Variants in LYRM4 observed in about 807,000 individuals in gnomAD.
LYRM4 encodes the protein LYR motif containing 4, also known as LYR motif-containing protein 4.
LYRM4 carries 9 observed loss-of-function variants against 11.7 expected under a neutral mutation model. The observed-to-expected ratio is 0.77, with a 90% CI of 0.46 to 1.34. LYRM4 has a LOEUF of 1.34. Ranked by LOEUF, LYRM4 falls within the 40% of genes most tolerant of loss-of-function variation. The probability of loss-of-function intolerance (pLI) is 0.00; values close to 1 mark genes in which losing one functional copy is unlikely to be tolerated. For missense variants in LYRM4, 133 were observed against 112.5 expected, an observed-to-expected ratio of 1.18 and a Z score of -0.82; for synonymous variants, 42 against 40.4, an observed-to-expected ratio of 1.04 and a Z score of -0.15.
At chr6:5,099,896 G>T (rs1762448187), downstream of LYRM4, among the ~76,000 whole-genome samples, 1 of 152,194 alleles carries the variant, frequency 6.6e-6, no homozygotes, top group Admixed American at 6.5e-5. The surrounding 1 kb of genome is among the most constrained non-coding windows in gnomAD (Gnocchi z 4.3). Context: ...TACACACACA[G>T]AGAAGACAGC....
chr6:5,189,480 C>T (rs561544000), intron 2 of LYRM4, among the ~76,000 whole-genome samples: 89 of 152,298 alleles, frequency 5.8e-4, no homozygotes, highest in Non-Finnish European at 1.1e-3. Flanking sequence ...AGATCTGTGA[C>T]TTCAAGAGTT....
At chr6:5,090,997 T>A in the LYRM4 span, among the ~76,000 whole-genome samples, 260 of 152,294 alleles carry the variant, frequency 1.7e-3, no homozygotes, top group African/African-American at 5.8e-3. The surrounding 1 kb of genome is among the most constrained non-coding windows in gnomAD (Gnocchi z 4.8). Flanking sequence ...TCTTTTTTTT[T>A]ATTAATGGCA....
intron 1 of LYRM4, among the ~76,000 whole-genome samples, chr6:5,232,005 A>G (rs1324521024): frequency 6.6e-6 from 1 of 152,210 alleles, no homozygotes; most frequent in Non-Finnish European, 1.5e-5. Context: ...AAACATTTGC[A>G]TTTACAAATG....
chr6:5,238,300 C>T (rs1377500611), intron 1 of LYRM4, among the ~76,000 whole-genome samples: 1 of 151,972 alleles, frequency 6.6e-6, no homozygotes, highest in Non-Finnish European at 1.5e-5. Flanking sequence ...TTTGGAACAA[C>T]AATGTTAAAT....
At chr6:5,183,910 C>T (rs1004985209) in intron 2 of LYRM4, among the ~76,000 whole-genome samples, 54 of 152,284 alleles carry the variant, frequency 3.5e-4, no homozygotes, top group Non-Finnish European at 6.3e-4. Flanking sequence ...AAGTGGACCT[C>T]GAATGTTCTC....
At chr6:5,170,351 T>C (rs1019795909) in intron 2 of LYRM4, among the ~76,000 whole-genome samples, 10 of 151,838 alleles carry the variant, frequency 6.6e-5, no homozygotes, top group African/African-American at 1.9e-4. Context: ...CTTAGTGGAA[T>C]TGTGTGTGTA....
intron 2 of LYRM4, among the ~76,000 whole-genome samples, chr6:5,164,795 C>T (rs1179196604): frequency 1.3e-5 from 2 of 152,014 alleles, no homozygotes. Context: ...CGGTGAAACC[C>T]AGTCTCTACT....
chr6:5,178,997 G>T (rs1373723201), intron 2 of LYRM4, among the ~76,000 whole-genome samples: 1 of 144,856 alleles, frequency 6.9e-6, no homozygotes, highest in African/African-American at 2.6e-5. Context: ...TATAGGCCAT[G>T]CACTTGCTGC....
intron 1 of LYRM4, among the ~76,000 whole-genome samples, chr6:5,242,095 TAG>T (rs762141609): frequency 1.9e-4 from 29 of 149,914 alleles, no homozygotes; most frequent in Admixed American, 3.3e-4. Context: ...TTTTTTGAGA[TAG>T]AGTCTCACTC....
At chr6:5,256,489 TGGAAAAAAAAAAA>T (rs1764674171) in intron 1 of LYRM4, among the ~76,000 whole-genome samples, 1 of 10,498 alleles carries the variant, frequency 9.5e-5, no homozygotes, top group African/African-American at 7.0e-4. Context: ...AGATTTCAAC[TGGAAAAAAAAAAA>T]AAAAAAAAAA....
the LYRM4 span, chr6:5,086,567 GGA>G: frequency 2.0e-6 from 3 of 1,504,020 alleles, no homozygotes; most frequent in African/African-American, 4.2e-5. Flanking sequence ...CTCTGAGCCT[GGA>G]GAGTTTCGAA....
At chr6:5,199,305 T>A (rs541214832) in intron 2 of LYRM4, among the ~76,000 whole-genome samples, 1 of 152,318 alleles carries the variant, frequency 6.6e-6, no homozygotes, top group East Asian at 1.9e-4. Flanking sequence ...CAGTCGTGAA[T>A]ATAAATTTCA....
intron 1 of LYRM4, among the ~76,000 whole-genome samples, chr6:5,222,493 T>C (rs548724125): frequency 2.0e-5 from 3 of 151,988 alleles, no homozygotes; most frequent in African/African-American, 7.2e-5. Context: ...ACAAGATCTG[T>C]AGATAAAGAG....
At chr6:5,079,689 A>G in the LYRM4 span, among the ~76,000 whole-genome samples, 19 of 152,244 alleles carry the variant, frequency 1.2e-4, no homozygotes, top group Admixed American at 6.5e-5. Context: ...AACAACTACA[A>G]CAACAAAACT....
intron 1 of LYRM4, among the ~76,000 whole-genome samples, chr6:5,218,884 T>C (rs991276254): frequency 1.3e-5 from 2 of 152,258 alleles, no homozygotes; most frequent in African/African-American, 2.4e-5. Context: ...CTAATGGCTA[T>C]TTATAAAACA....
chr6:5,260,369 AATC>A (rs1314790041), intron 1 of LYRM4, among the ~76,000 whole-genome samples: 1 of 152,224 alleles, frequency 6.6e-6, no homozygotes, highest in Non-Finnish European at 1.5e-5. Flanking sequence ...ACATAACACT[AATC>A]ATGCTCCTAG....
chr6:5,084,266 C>G, the LYRM4 span, among the ~76,000 whole-genome samples: 3 of 152,214 alleles, frequency 2.0e-5, no homozygotes, highest in Non-Finnish European at 2.9e-5. Flanking sequence ...AGACGTTCCC[C>G]CAATCCCTAG....
chr6:5,053,107 G>A, the LYRM4 span, among the ~76,000 whole-genome samples: 2 of 152,166 alleles, frequency 1.3e-5, no homozygotes, highest in Non-Finnish European at 2.9e-5. Context: ...ATATGAAATG[G>A]TTAAGCAGTC....
chr6:5,219,151 C>G (rs1762441659), intron 1 of LYRM4, among the ~76,000 whole-genome samples: 1 of 152,090 alleles, frequency 6.6e-6, no homozygotes, highest in Non-Finnish European at 1.5e-5. Context: ...AAGCTAGTAA[C>G]TAGCTTAGAA....
Sources: gnomAD v4.1 joint callset for allele counts (sites outside exome capture counted in the v4.1 genomes callset) on GRCh38, gnomAD v4.1.1 for gene constraint, Gnocchi (gnomAD v3.1) non-coding constraint, MANE v1.5 for transcripts, NCBI Gene and HGNC (gene_info 2026-07-23, HGNC 2026-07-21) for gene names.